Variants in CADPS2 observed in about 807,000 individuals in gnomAD.
CADPS2 encodes calcium-dependent secretion activator 2.
Under a neutral mutation model 172.5 loss-of-function variants are expected in CADPS2, and 93 were observed. The observed-to-expected ratio is 0.54, with a 90% CI of 0.46 to 0.64. The LOEUF is 0.64. Among genes scored for constraint, CADPS2 ranks in the 30% least tolerant of loss-of-function variants. The probability of loss-of-function intolerance (pLI) is 0.00; values close to 1 mark genes in which losing one functional copy is unlikely to be tolerated. For synonymous variants in CADPS2, 546 were observed against 555.2 expected, an observed-to-expected ratio of 0.98 and a Z score of 0.23; for missense variants, 1,420 against 1,565.9, an observed-to-expected ratio of 0.91 and a Z score of 1.57.
chr7:122,871,851 C>T (rs1218935271), intron 1 of CADPS2, among the ~76,000 whole-genome samples: 2 of 152,086 alleles, frequency 1.3e-5, no homozygotes, highest in African/African-American at 4.8e-5. Context: ...TACTTCTTCT[C>T]CATTTCCTTC....
chr7:122,515,259 T>C (rs2060271609), intron 8 of CADPS2, among the ~76,000 whole-genome samples: 1 of 152,134 alleles, frequency 6.6e-6, no homozygotes, highest in Admixed American at 6.6e-5. Flanking sequence ...GGCTGAGACA[T>C]TACTGCTCTT....
At chr7:122,866,557 CAG>C (rs1041114536) in intron 1 of CADPS2, among the ~76,000 whole-genome samples, 2 of 152,032 alleles carry the variant, frequency 1.3e-5, no homozygotes, top group African/African-American at 4.8e-5. Flanking sequence ...AAAAATTAGC[CAG>C]ATGTAGTGGC....
intron 1 of CADPS2, among the ~76,000 whole-genome samples, chr7:122,824,744 G>C (rs986729653): frequency 1.3e-5 from 2 of 152,068 alleles, no homozygotes; most frequent in African/African-American, 4.8e-5. Context: ...TTGTTTCTCA[G>C]TTTTGAATCA....
intron 27 of CADPS2, among the ~76,000 whole-genome samples, chr7:122,355,181 T>C (rs1455534759): frequency 6.6e-6 from 1 of 152,262 alleles, no homozygotes. Context: ...ATAAGGAATA[T>C]CTGACAAGTA....
intron 27 of CADPS2, among the ~76,000 whole-genome samples, chr7:122,350,619 G>A (rs1265210091): frequency 2.0e-5 from 3 of 152,140 alleles, no homozygotes; most frequent in Non-Finnish European, 4.4e-5. Context: ...GAAATACACA[G>A]AGATTACAGA....
Position 122,559,228 on chromosome 7 carries a change from A to T in CADPS2, c.1336-4539T>A, listed in dbSNP as rs1490593456. Among the ~76,000 whole-genome samples, 3 of 152,246 alleles carry T rather than the reference A, an allele frequency of 2.0e-5. No individual in the cohort carries two copies. The East Asian group carries it at 5.8e-4, about 29-fold the overall frequency. On this transcript the variant is annotated intron_variant, in intron 7 of 29. Transcript: ENST00000449022. Reference sequence around the variant, plus strand: ...ATGGGGTAGGGGATGAAAAATAAAGATATGGGGGCTGTTGAAACCAAACAC... The same window carrying T: ...ATGGGGTAGGGGATGAAAAATAAAGTTATGGGGGCTGTTGAAACCAAACAC...
intron 8 of CADPS2, among the ~76,000 whole-genome samples, chr7:122,545,471 C>T (rs1223888849): frequency 6.6e-6 from 1 of 152,072 alleles, no homozygotes; most frequent in Admixed American, 6.6e-5. Context: ...TCTAGACGAA[C>T]CAGATTTTTG....
chr7:122,471,578 A>G lies in CADPS2; in HGVS notation c.1999-16T>C. 1.3e-6 allele frequency: 2 copies of G among 1,544,066 alleles called. No homozygotes were observed. Among genetic ancestry groups the G allele is most frequent in the East Asian group, 4.9e-5 (2 of 41,162 alleles). ...TAAACCATCCCTGCAAAATAAAAAA[A>G]GAATAGATATACATGTTTTTTCTTT... On this transcript the variant is annotated splice_polypyrimidine_tract_variant and intron_variant, in intron 13 of 29. Transcript: ENST00000449022.
At chr7:122,415,616 A>C (rs975017138) in intron 18 of CADPS2, among the ~76,000 whole-genome samples, 2 of 151,896 alleles carry the variant, frequency 1.3e-5, no homozygotes, top group Non-Finnish European at 2.9e-5. Flanking sequence ...AAAAAAAAAA[A>C]AAAAGAAAAG....
Position 122,388,679 on chromosome 7 carries a change from A to G in CADPS2, c.3068T>C (p.Val1023Ala), listed in dbSNP as rs753297254. Residue 1023 changes from valine (V) to alanine (A), a missense_variant, in exon 23 of 30, where the codon GTC becomes GCC. Physicochemically the swap from Val to Ala is moderately conservative, Grantham distance 64 (BLOSUM62 0). Coordinates refer to ENST00000449022, the MANE Select transcript of CADPS2 (RefSeq NM_017954.11). ...FWKLDALQMF[V>A]FDLHWPEQEF... ...CTGTTCTGGCCAGTGCAGATCAAAG[A>G]CAAACATTTGCAGTGCATCAAGCTT... 2.5e-6 allele frequency: 4 copies of G among 1,610,820 alleles called. No homozygotes were observed. The highest frequency in any genetic ancestry group is 3.4e-6 in the Non-Finnish European group (4 of 1,178,128).
chr7:122,521,250 G>A (rs1320198237), intron 8 of CADPS2, among the ~76,000 whole-genome samples: 1 of 152,038 alleles, frequency 6.6e-6, no homozygotes, highest in Non-Finnish European at 1.5e-5. Context: ...ATGATTTTCG[G>A]TTCATTCTCA....
intron 9 of CADPS2, among the ~76,000 whole-genome samples, chr7:122,500,056 C>T (rs529487276): frequency 3.0e-4 from 46 of 152,262 alleles, no homozygotes; most frequent in African/African-American, 7.5e-4. Context: ...GTACTCCAGA[C>T]GGACCATCCA....
At chr7:122,639,131 A>C (rs2077350886) in intron 3 of CADPS2, among the ~76,000 whole-genome samples, 1 of 152,250 alleles carries the variant, frequency 6.6e-6, no homozygotes, top group South Asian at 2.1e-4. Context: ...TAATGAAGGC[A>C]ATGGATAAAA....
rs570980965 is a variant in CADPS2, at chr7:122,545,423, C to A, written c.1475+9127G>T. Among the ~76,000 whole-genome samples, 100 of 152,156 alleles carry A rather than the reference C, an allele frequency of 6.6e-4. 1 individual carries two copies. In the South Asian group the frequency reaches 0.021, roughly 32 times the overall value. On this transcript the variant is annotated intron_variant, in intron 8 of 29. Coordinates refer to ENST00000449022, the MANE Select transcript of CADPS2 (RefSeq NM_017954.11). ...GCATGCTCAGGGTACATGAACTGAT[C>A]CACTTGGCAAAGTTAGGAGTTCGTG...
chr7:122,672,314 G>A (rs1232172736), intron 2 of CADPS2, among the ~76,000 whole-genome samples: 8 of 152,114 alleles, frequency 5.3e-5, no homozygotes, highest in Non-Finnish European at 1.2e-4. Flanking sequence ...AGGCGTCGGT[G>A]GTCACCCTCC....
At chr7:122,638,699 G>T (rs1480748829) in intron 3 of CADPS2, among the ~76,000 whole-genome samples, 2 of 152,186 alleles carry the variant, frequency 1.3e-5, no homozygotes, top group African/African-American at 4.8e-5. Context: ...GATTGCACAG[G>T]TCACTGTGGG....
intron 1 of CADPS2, among the ~76,000 whole-genome samples, chr7:122,795,341 T>C (rs992000983): frequency 2.0e-5 from 3 of 152,046 alleles, no homozygotes; most frequent in Admixed American, 6.6e-5. Flanking sequence ...TCCGTGCACA[T>C]AAACTAGAAA....
At chr7:122,761,669 G>A (rs545316209) in intron 1 of CADPS2, among the ~76,000 whole-genome samples, 3 of 151,556 alleles carry the variant, frequency 2.0e-5, no homozygotes, top group East Asian at 3.9e-4. Context: ...CACTAAAAAC[G>A]TATTAAGCAA....
intron 4 of CADPS2, among the ~76,000 whole-genome samples, chr7:122,624,940 C>A (rs1399881315): frequency 6.6e-6 from 1 of 152,110 alleles, no homozygotes; most frequent in East Asian, 1.9e-4. Flanking sequence ...AGGAGGAACA[C>A]AGAGTGAGTG....
Sources: allele counts gnomAD v4.1 joint callset (sites outside exome capture counted in the v4.1 genomes callset), GRCh38; gene constraint gnomAD v4.1.1; transcripts MANE v1.5; gene names NCBI Gene and HGNC (gene_info 2026-07-23, HGNC 2026-07-21).